Variants in B3GALT1 observed in about 807,000 individuals in gnomAD.
B3GALT1 encodes UDP-Gal:betaGlcNAc beta 1,3-galactosyltransferase, polypeptide 1.
In B3GALT1, 10 loss-of-function variants were observed where a neutral mutation model predicts 23.2. The observed-to-expected ratio is 0.43, with a 90% CI of 0.27 to 0.73. The LOEUF (loss-of-function observed/expected upper bound fraction) is 0.73, where lower values mean the gene tolerates loss of function less well. Ranked by LOEUF, B3GALT1 falls within the 30% of genes least tolerant of loss-of-function variation. The pLI is 0.21. For missense variants in B3GALT1, 299 were observed against 405.4 expected (o/e 0.74, Z 2.25); for synonymous variants, 156 against 141.5 (o/e 1.10, Z -0.73).
chr2:167,557,021 T>G (rs1683864999), intron 2 of B3GALT1, among the ~76,000 whole-genome samples: 1 of 152,204 alleles, frequency 6.6e-6, no homozygotes. Context: ...TAAAAACTTG[T>G]GTCTTAAAAC....
At chr2:167,502,612 GGGAAGTGCCACACACTTT>G (rs1699862881) in intron 2 of B3GALT1, among the ~76,000 whole-genome samples, 1 of 152,076 alleles carries the variant, frequency 6.6e-6, no homozygotes, top group Non-Finnish European at 1.5e-5. Flanking sequence ...AGAGCAAAGG[GGGAAGTGCCACACACTTT>G]TAAACAACCA....
intron 2 of B3GALT1, among the ~76,000 whole-genome samples, chr2:167,620,889 A>G (rs931216578): frequency 2.0e-5 from 3 of 151,998 alleles, no homozygotes; most frequent in African/African-American, 7.2e-5. Context: ...TGTAATATTA[A>G]TACTAATCAG....
In B3GALT1 at chr2:167,352,450, A is replaced by G. The variant is rs759208436; in HGVS notation, c.-511+59116A>G. Among the ~76,000 whole-genome samples, 9 of 151,118 alleles carry G rather than the reference A, an allele frequency of 6.0e-5. No homozygotes were observed. The South Asian group carries it at 6.4e-4, about 11-fold the overall frequency. On this transcript the variant is annotated intron_variant, in intron 1 of 4. Transcript: ENST00000392690. ...ATATCTCGAAACTGTAGCCGGGGGC[A>G]GTGGCTCACGCCTGTAATCCCAGCA...
At chr2:167,420,290 C>G (rs942121336) in intron 1 of B3GALT1, among the ~76,000 whole-genome samples, 4 of 152,206 alleles carry the variant, frequency 2.6e-5, no homozygotes, top group Non-Finnish European at 5.9e-5. Context: ...AGCTCAATCT[C>G]AGTGACATTC....
At chr2:167,865,296 C>G (rs1690189974) in intron 4 of B3GALT1, among the ~76,000 whole-genome samples, 1 of 152,154 alleles carries the variant, frequency 6.6e-6, no homozygotes, top group African/African-American at 2.4e-5. Context: ...GTAATCCCAG[C>G]TACTCAGGAA....
intron 3 of B3GALT1, among the ~76,000 whole-genome samples, chr2:167,684,749 T>C (rs919108737): frequency 9.9e-5 from 15 of 152,252 alleles, no homozygotes; most frequent in Non-Finnish European, 2.1e-4. Flanking sequence ...ATTATTGGAA[T>C]TCTTTAACTT....
At chr2:167,804,880 A>G (rs1233886839) in intron 3 of B3GALT1, among the ~76,000 whole-genome samples, 1 of 152,126 alleles carries the variant, frequency 6.6e-6, no homozygotes, top group East Asian at 1.9e-4. Context: ...TTTCTAGTTC[A>G]AGATCCCTGA....
chr2:167,856,568 A>G (rs1020452426), intron 4 of B3GALT1, among the ~76,000 whole-genome samples: 8 of 152,174 alleles, frequency 5.3e-5, no homozygotes, highest in Admixed American at 2.0e-4. Flanking sequence ...GCAGAAGGAC[A>G]TGAGGGTGCA....
chr2:167,457,301 T>C (rs1447181670), intron 1 of B3GALT1, among the ~76,000 whole-genome samples: 3 of 152,008 alleles, frequency 2.0e-5, no homozygotes, highest in Admixed American at 6.6e-5. Flanking sequence ...GCCTCCCACG[T>C]AGCTGGGACT....
chr2:167,871,562 T>A lies in B3GALT1; in HGVS notation c.*1542T>A, dbSNP rs1690345906. 1 of 152,164 alleles carries A rather than the reference T, an allele frequency of 6.6e-6. No individual in the cohort carries two copies. The highest frequency in any genetic ancestry group is 1.5e-5 in the Non-Finnish European group (1 of 68,024). 9.4% of individuals were successfully genotyped at this position (152,164 alleles called of 1,614,324 possible). ...TGGTTTCAATGAATAAGTGACTAGG[T>A]CAGTGTGTTGCCTTGATATCCCAAG... On this transcript the variant is annotated 3_prime_UTR_variant, in exon 5 of 5. Coordinates refer to ENST00000392690, the MANE Select transcript of B3GALT1 (RefSeq NM_020981.4).
intron 2 of B3GALT1, among the ~76,000 whole-genome samples, chr2:167,613,640 G>A (rs1045831697): frequency 5.9e-5 from 9 of 151,506 alleles, no homozygotes; most frequent in African/African-American, 2.2e-4. Flanking sequence ...ATATACTTAA[G>A]CACTTTCCCT....
chr2:167,476,463 A>C (rs2105333743), intron 1 of B3GALT1, among the ~76,000 whole-genome samples: 1 of 152,272 alleles, frequency 6.6e-6, no homozygotes, highest in South Asian at 2.1e-4. Flanking sequence ...GCAGCAGAAA[A>C]CTTTTAAAAA....
chr2:167,499,988 T>C (rs1280913589), intron 2 of B3GALT1, among the ~76,000 whole-genome samples: 1 of 152,056 alleles, frequency 6.6e-6, no homozygotes, highest in Non-Finnish European at 1.5e-5. Context: ...ATGTGTCCTG[T>C]GTGCGTGTGT....
chr2:167,607,746 C>T (rs1416863869), intron 2 of B3GALT1, among the ~76,000 whole-genome samples: 1 of 152,130 alleles, frequency 6.6e-6, no homozygotes, highest in East Asian at 1.9e-4. Context: ...TTAGTGTGGG[C>T]TCCTACTACA....
intron 3 of B3GALT1, among the ~76,000 whole-genome samples, chr2:167,659,188 A>G (rs1209106169): frequency 6.6e-6 from 1 of 152,024 alleles, no homozygotes; most frequent in South Asian, 2.1e-4. Context: ...ACATTATGAA[A>G]CTGATATAAA....
chr2:167,360,875 C>T (rs1267770441), intron 1 of B3GALT1, among the ~76,000 whole-genome samples: 2 of 152,086 alleles, frequency 1.3e-5, no homozygotes, highest in African/African-American at 2.4e-5. Flanking sequence ...TTTCCCTCTC[C>T]AGCCTCTGGT....
At chr2:167,592,467 T>C (rs1314591807) in intron 2 of B3GALT1, among the ~76,000 whole-genome samples, 1 of 152,222 alleles carries the variant, frequency 6.6e-6, no homozygotes, top group Non-Finnish European at 1.5e-5. Flanking sequence ...AGAAATTTCA[T>C]TGAGTATGAA....
Position 167,567,888 on chromosome 2 carries a change from T to G in B3GALT1, c.-410+77611T>G, listed in dbSNP as rs144978836. On this transcript the variant is annotated intron_variant, in intron 2 of 4. Coordinates refer to ENST00000392690, the MANE Select transcript of B3GALT1 (RefSeq NM_020981.4). ...CTAAATATCCTTTGTGCCCCACCTATTCATCCTCACTCCCCCTTAGCCCCA... is the reference window on the plus strand; with the variant it reads ...CTAAATATCCTTTGTGCCCCACCTAGTCATCCTCACTCCCCCTTAGCCCCA... Among the ~76,000 whole-genome samples, 26 of 152,222 alleles carry G rather than the reference T, an allele frequency of 1.7e-4. No individual in the cohort carries two copies. The East Asian group carries it at 4.2e-3, about 25-fold the overall frequency.
chr2:167,395,785 GA>G (rs199813701), intron 1 of B3GALT1, among the ~76,000 whole-genome samples: 76 of 150,748 alleles, frequency 5.0e-4, no homozygotes, highest in African/African-American at 1.5e-3. Context: ...CATACTTCTT[GA>G]AAAAAAAATC....
Sources: allele counts gnomAD v4.1 joint callset (sites outside exome capture counted in the v4.1 genomes callset), GRCh38; gene constraint gnomAD v4.1.1; transcripts MANE v1.5; gene names NCBI Gene and HGNC (gene_info 2026-07-23, HGNC 2026-07-21).